Variants in MDGA2 observed in about 807,000 individuals in gnomAD.
The protein encoded by MDGA2 is MAM domain-containing glycosylphosphatidylinositol anchor protein 2.
MDGA2 carries 40 observed loss-of-function variants against 117.8 expected under a neutral mutation model. The ratio of observed to expected loss-of-function variants is 0.34; its 90% CI spans 0.26 to 0.44. The LOEUF (loss-of-function observed/expected upper bound fraction) is 0.44. Ranked by LOEUF, MDGA2 falls within the 20% of genes least tolerant of loss-of-function variation. The pLI, the probability that MDGA2 is intolerant of heterozygous loss-of-function variation, is 1.00. For synonymous variants in MDGA2, 452 were observed against 439.0 expected, an observed-to-expected ratio of 1.03 and a Z score of -0.37; for missense variants, 1,123 against 1,250.6, an observed-to-expected ratio of 0.90 and a Z score of 1.54.
intron 3 of MDGA2, among the ~76,000 whole-genome samples, chr14:47,194,556 G>A (rs1034617423): frequency 1.3e-5 from 2 of 151,886 alleles, no homozygotes; most frequent in Non-Finnish European, 2.9e-5. Flanking sequence ...GGACCCTTGG[G>A]CCCTCTCTAG....
intron 1 of MDGA2, among the ~76,000 whole-genome samples, chr14:47,644,088 T>C (rs1336593654): frequency 1.3e-5 from 2 of 152,150 alleles, no homozygotes; most frequent in Non-Finnish European, 2.9e-5. Flanking sequence ...TATGTTTTCA[T>C]AGAAAAACAG....
intron 2 of MDGA2, among the ~76,000 whole-genome samples, chr14:47,248,233 ATATAT>A (rs1887316699): frequency 6.6e-6 from 1 of 151,614 alleles, no homozygotes; most frequent in Admixed American, 6.6e-5. Context: ...TAAATATAAC[ATATAT>A]TATACAAGGA....
chr14:47,137,683 T>C (rs1326799861), intron 4 of MDGA2, among the ~76,000 whole-genome samples: 1 of 152,084 alleles, frequency 6.6e-6, no homozygotes, highest in Non-Finnish European at 1.5e-5. Flanking sequence ...CTTTATACAT[T>C]ACCTAATCTC....
intron 15 of MDGA2, among the ~76,000 whole-genome samples, chr14:46,848,715 G>C (rs1020876126): frequency 6.6e-6 from 1 of 151,214 alleles, no homozygotes; most frequent in Admixed American, 6.6e-5. Flanking sequence ...GTCAGATTGA[G>C]AGACTGTGTC....
At chr14:46,990,549 T>C (rs899099495) in intron 8 of MDGA2, among the ~76,000 whole-genome samples, 3 of 152,068 alleles carry the variant, frequency 2.0e-5, no homozygotes, top group African/African-American at 7.2e-5. Flanking sequence ...GTTACACATT[T>C]TCAAAAAATT....
chr14:47,623,689 C>T (rs1897090388), intron 1 of MDGA2, among the ~76,000 whole-genome samples: 1 of 152,012 alleles, frequency 6.6e-6, no homozygotes, highest in Non-Finnish European at 1.5e-5. Context: ...TTAATATCCT[C>T]ATTTTATAAC....
chr14:47,404,296 G>A (rs901118032), intron 1 of MDGA2, among the ~76,000 whole-genome samples: 1 of 150,056 alleles, frequency 6.7e-6, no homozygotes, highest in Non-Finnish European at 1.5e-5. Context: ...AGTGACTCTC[G>A]TGCCTCAGCC....
chr14:46,854,018 C>CT (rs1469169008), intron 15 of MDGA2, among the ~76,000 whole-genome samples: 1 of 151,740 alleles, frequency 6.6e-6, no homozygotes, highest in East Asian at 1.9e-4. Flanking sequence ...GTCTTACTCT[C>CT]TGATTGTTTA....
At chr14:46,964,239 A>G (rs771866904) in intron 8 of MDGA2, among the ~76,000 whole-genome samples, 138 of 152,342 alleles carry the variant, frequency 9.1e-4, no homozygotes, top group Non-Finnish European at 1.7e-3. Flanking sequence ...AGACACAAGA[A>G]ACCATCTTGG....
chr14:47,187,224 T>C (rs1884943765), intron 3 of MDGA2, among the ~76,000 whole-genome samples: 1 of 151,912 alleles, frequency 6.6e-6, no homozygotes. Context: ...AAACTTTGAA[T>C]TGAATAAACC....
At chr14:46,946,937 A>G (rs985152789) in intron 9 of MDGA2, among the ~76,000 whole-genome samples, 10 of 152,168 alleles carry the variant, frequency 6.6e-5, no homozygotes, top group East Asian at 5.8e-4. Flanking sequence ...CCCTTATGTC[A>G]TATTGGCATT....
chr14:46,872,596 A>G (rs924849292), intron 14 of MDGA2, among the ~76,000 whole-genome samples: 6 of 152,102 alleles, frequency 3.9e-5, no homozygotes, highest in South Asian at 2.1e-4. Flanking sequence ...GAGTAGAATC[A>G]TATTATTAAA....
intron 9 of MDGA2, among the ~76,000 whole-genome samples, chr14:46,932,852 C>T (rs372664884): frequency 6.6e-5 from 10 of 151,324 alleles, no homozygotes; most frequent in South Asian, 2.1e-4. Flanking sequence ...GCAAATGACA[C>T]GATTATCAGC....
chr14:47,515,458 G>T (rs190844160), intron 1 of MDGA2, among the ~76,000 whole-genome samples: 168 of 152,248 alleles, frequency 1.1e-3, no homozygotes, highest in East Asian at 1.2e-3. Flanking sequence ...TTTGTATAGA[G>T]ATCAATGGGG....
intron 5 of MDGA2, among the ~76,000 whole-genome samples, chr14:47,127,250 C>T (rs1881951785): frequency 6.6e-6 from 1 of 152,054 alleles, no homozygotes; most frequent in Non-Finnish European, 1.5e-5. Flanking sequence ...CTGACTTTCA[C>T]ATTGATTATA....
chr14:47,266,159 A>G (rs554298980), intron 2 of MDGA2, among the ~76,000 whole-genome samples: 1 of 152,270 alleles, frequency 6.6e-6, no homozygotes, highest in African/African-American at 2.4e-5. Flanking sequence ...TATCGCAGGG[A>G]TAAAGCTGGA....
intron 2 of MDGA2, among the ~76,000 whole-genome samples, chr14:47,270,492 A>G (rs12147880): frequency 0.28 from 42,695 of 152,094 alleles, 6,772 homozygotes; most frequent in Admixed American, 0.47. Flanking sequence ...TAAAATAAAA[A>G]GACCCAAATA....
intron 6 of MDGA2, among the ~76,000 whole-genome samples, chr14:47,061,983 CTTAG>C (rs1405369778): frequency 2.6e-5 from 4 of 152,032 alleles, no homozygotes; most frequent in Non-Finnish European, 4.4e-5. Flanking sequence ...TATGTCACTA[CTTAG>C]TTATTGTATA....
intron 2 of MDGA2, among the ~76,000 whole-genome samples, chr14:47,239,109 C>A (rs188685075): frequency 2.0e-5 from 3 of 151,196 alleles, no homozygotes; most frequent in African/African-American, 7.3e-5. Flanking sequence ...GTGCTACTAT[C>A]GCCATCATAA....
Sources: gnomAD v4.1 joint callset for allele counts (sites outside exome capture counted in the v4.1 genomes callset) on GRCh38, gnomAD v4.1.1 for gene constraint, MANE v1.5 for transcripts, NCBI Gene and HGNC (gene_info 2026-07-23, HGNC 2026-07-21) for gene names.